Variants in GRM5 observed in about 807,000 individuals in gnomAD.
GRM5 encodes glutamate metabotropic receptor 5.
A neutral mutation model predicts 83.1 loss-of-function variants in GRM5; 19 were observed. The ratio of observed to expected loss-of-function variants is 0.23; its 90% CI spans 0.16 to 0.34. GRM5 has a LOEUF of 0.34. Ranked by LOEUF, GRM5 falls within the 10% of genes least tolerant of loss-of-function variation. GRM5 has a pLI of 1.00. For missense variants in GRM5, 1,160 were observed against 1,588.3 expected (o/e 0.73, Z 4.58); for synonymous variants, 675 against 633.6 (o/e 1.07, Z -0.98).
intron 4 of GRM5, among the ~76,000 whole-genome samples, chr11:88,650,934 TAAG>T (rs1434249640): frequency 6.6e-6 from 1 of 151,988 alleles, no homozygotes; most frequent in South Asian, 2.1e-4. Flanking sequence ...CATCTCTCAT[TAAG>T]AAGAATAACA....
chr11:88,708,890 T>G (rs181285760), intron 3 of GRM5, among the ~76,000 whole-genome samples: 1 of 152,168 alleles, frequency 6.6e-6, no homozygotes, highest in East Asian at 1.9e-4. Context: ...AACCAGACAT[T>G]GTGGTAGGAA....
intron 2 of GRM5, among the ~76,000 whole-genome samples, chr11:88,933,719 A>G (rs900578416): frequency 7.2e-5 from 11 of 151,862 alleles, no homozygotes; most frequent in African/African-American, 2.7e-4. Context: ...CAAATCAATG[A>G]AACCAAGAAA....
chr11:88,791,466 C>A (rs1943170538), intron 3 of GRM5, among the ~76,000 whole-genome samples: 1 of 152,178 alleles, frequency 6.6e-6, no homozygotes, highest in African/African-American at 2.4e-5. Context: ...TAATGTTGAA[C>A]TGATACTATC....
At chr11:88,581,754 A>T (rs962256626) in intron 7 of GRM5, among the ~76,000 whole-genome samples, 1 of 152,206 alleles carries the variant, frequency 6.6e-6, no homozygotes, top group Non-Finnish European at 1.5e-5. Flanking sequence ...TAGTTCCCAT[A>T]ATAGAGGCTT....
chr11:88,675,343 T>C (rs1236513118), intron 3 of GRM5, among the ~76,000 whole-genome samples: 1 of 151,908 alleles, frequency 6.6e-6, no homozygotes, highest in Non-Finnish European at 1.5e-5. Context: ...ATTGAGTAAA[T>C]GGACGGAGTG....
At chr11:88,755,994 C>T (rs1942386741) in intron 3 of GRM5, among the ~76,000 whole-genome samples, 1 of 152,124 alleles carries the variant, frequency 6.6e-6, no homozygotes. Flanking sequence ...GAGGTTGGGA[C>T]TGATTGTCCT....
At chr11:88,953,405 T>A (rs544760463) in intron 2 of GRM5, among the ~76,000 whole-genome samples, 1 of 152,212 alleles carries the variant, frequency 6.6e-6, no homozygotes, top group Non-Finnish European at 1.5e-5. Flanking sequence ...TTTCTTTAAA[T>A]TTCAACAGCC....
chr11:88,871,097 G>T (rs957968257), intron 2 of GRM5, among the ~76,000 whole-genome samples: 3 of 151,518 alleles, frequency 2.0e-5, no homozygotes, highest in African/African-American at 7.3e-5. Flanking sequence ...TTGAAAAAAT[G>T]TATCAATGAC....
rs1565342841 is a variant in GRM5 at position 89,030,174 on chromosome 11, CT to C, written c.661+17037del. Reference sequence around the variant, plus strand: ...TTTTTGATCAGCTGACCCTAATGTACTTCCTAAATGATAAAACTTGGATATT... The same window carrying C: ...TTTTTGATCAGCTGACCCTAATGTACTCCTAAATGATAAAACTTGGATATT... On this transcript the variant is annotated intron_variant, in intron 2 of 9. Coordinates refer to ENST00000305447, the MANE Select transcript of GRM5 (RefSeq NM_001143831.3). 2.0e-5 allele frequency among the ~76,000 whole-genome samples: 3 copies of C among 152,260 alleles called. No homozygotes were observed. In the South Asian group the frequency reaches 6.2e-4, roughly 32 times the overall value.
chr11:88,718,518 C>A (rs1296397218), intron 3 of GRM5, among the ~76,000 whole-genome samples: 2 of 151,878 alleles, frequency 1.3e-5, no homozygotes, highest in African/African-American at 4.8e-5. Context: ...TCATATATTA[C>A]TTATATAATT....
intron 2 of GRM5, among the ~76,000 whole-genome samples, chr11:89,043,773 G>C (rs1454530330): frequency 2.0e-5 from 3 of 152,098 alleles, no homozygotes; most frequent in Non-Finnish European, 2.9e-5. Context: ...TTAGCTGTGG[G>C]TTGGAAAGGC....
Position 88,932,123 on chromosome 11 carries a change from G to A in GRM5, c.662-81968C>T, listed in dbSNP as rs368240910. Among the ~76,000 whole-genome samples, 12 of 152,046 alleles carry A rather than the reference G, an allele frequency of 7.9e-5. No individual in the cohort carries two copies. The East Asian group carries it at 1.9e-3, about 24-fold the overall frequency. ...GTGTATAGACCAGCATGGGATTACT[G>A]AGTTTATAGTTCAACAATCCATTTC... is the stretch of plus-strand genomic sequence containing the variant. On this transcript the variant is annotated intron_variant, in intron 2 of 9. Transcript: ENST00000305447.
intron 2 of GRM5, among the ~76,000 whole-genome samples, chr11:88,990,188 C>A (rs1419775530): frequency 6.7e-6 from 1 of 149,664 alleles, no homozygotes; most frequent in Non-Finnish European, 1.5e-5. Context: ...ATATCACCAC[C>A]GATCCCACAG....
intron 2 of GRM5, among the ~76,000 whole-genome samples, chr11:88,946,762 G>T (rs1280663438): frequency 6.6e-6 from 1 of 151,992 alleles, no homozygotes; most frequent in East Asian, 1.9e-4. Flanking sequence ...ACCAAATTAC[G>T]TTTTGCGTTT....
At chr11:88,766,286 A>T (rs1233180228) in intron 3 of GRM5, among the ~76,000 whole-genome samples, 1 of 152,052 alleles carries the variant, frequency 6.6e-6, no homozygotes, top group East Asian at 1.9e-4. Context: ...TGGAGGCATC[A>T]CATTACCTGA....
chr11:88,603,932 C>T (rs902332491), intron 5 of GRM5, among the ~76,000 whole-genome samples: 13 of 152,116 alleles, frequency 8.5e-5, no homozygotes, highest in African/African-American at 2.9e-4. Flanking sequence ...GACCAAAGGA[C>T]CCTATTGTTT....
chr11:89,059,484 C>A (rs1941944302), intron 1 of GRM5, among the ~76,000 whole-genome samples: 1 of 152,070 alleles, frequency 6.6e-6, no homozygotes, highest in African/African-American at 2.4e-5. Context: ...TGTTTGTAAG[C>A]TGTAGGTCAG....
intron 3 of GRM5, among the ~76,000 whole-genome samples, chr11:88,714,860 C>T (rs1941366449): frequency 1.3e-5 from 2 of 151,940 alleles, no homozygotes; most frequent in Non-Finnish European, 2.9e-5. Context: ...TCCACTAGCA[C>T]TGCATGAAAA....
intron 2 of GRM5, among the ~76,000 whole-genome samples, chr11:88,864,655 C>T (rs1309920233): frequency 1.3e-5 from 2 of 151,952 alleles, no homozygotes; most frequent in Admixed American, 1.3e-4. Context: ...TGTGAATGCC[C>T]TTTCTTTCTT....
Sources: allele counts gnomAD v4.1 joint callset (sites outside exome capture counted in the v4.1 genomes callset), GRCh38; gene constraint gnomAD v4.1.1; transcripts MANE v1.5; gene names NCBI Gene and HGNC (gene_info 2026-07-23, HGNC 2026-07-21).